ZNF385D: variants seen among roughly 807,000 people sequenced by gnomAD.
ZNF385D encodes zinc finger protein 385D.
In ZNF385D, 15 loss-of-function variants were observed where a neutral mutation model predicts 35.8. That is an observed-to-expected ratio of 0.42 (90% CI 0.28 to 0.64). The LOEUF (loss-of-function observed/expected upper bound fraction) is 0.64, where lower values mean the gene tolerates loss of function less well. Among genes scored for constraint, ZNF385D ranks in the 30% least tolerant of loss-of-function variants. The pLI is 0.23. For missense variants in ZNF385D, 474 were observed against 494.6 expected, an observed-to-expected ratio of 0.96 and a Z score of 0.39; for synonymous variants, 212 against 186.8, an observed-to-expected ratio of 1.13 and a Z score of -1.10.
chr3:21,949,387 C>A (rs1034281690), intron 3 of ZNF385D, among the ~76,000 whole-genome samples: 23 of 151,982 alleles, frequency 1.5e-4, no homozygotes, highest in African/African-American at 4.6e-4. Flanking sequence ...CTTTTCCATC[C>A]CATCGGTTGG....
chr3:21,722,672 T>C (rs914251688), intron 1 of ZNF385D, among the ~76,000 whole-genome samples: 2 of 152,244 alleles, frequency 1.3e-5, no homozygotes, highest in South Asian at 2.1e-4. Context: ...CTCTGAATTC[T>C]TCCCCCAATA....
intron 3 of ZNF385D, among the ~76,000 whole-genome samples, chr3:22,016,245 C>A: frequency 6.6e-6 from 1 of 152,174 alleles, no homozygotes; most frequent in East Asian, 1.9e-4. Context: ...ATGCCACTAG[C>A]ATTTGGTGGG....
At chr3:22,279,104 T>C (rs9824526) in intron 2 of ZNF385D, among the ~76,000 whole-genome samples, 12,070 of 152,098 alleles carry the variant, frequency 0.079, 1,265 homozygotes, top group African/African-American at 0.24. Flanking sequence ...CTCAATTGTG[T>C]TCCTTTTTTG....
In ZNF385D at chr3:21,472,328, G is replaced by A. The variant is rs182920991; in HGVS notation, c.440-35125C>T. On this transcript the variant is annotated intron_variant, in intron 4 of 7. Coordinates refer to ENST00000281523, the MANE Select transcript of ZNF385D (RefSeq NM_024697.3). Reference sequence around the variant, plus strand: ...AGAGAAAAAGCCAGACAAGAAGTGCGCCTAATGGCCATGCTAAAGGACATA... The same window carrying A: ...AGAGAAAAAGCCAGACAAGAAGTGCACCTAATGGCCATGCTAAAGGACATA... 2.2e-3 allele frequency among the ~76,000 whole-genome samples: 342 copies of A among 152,182 alleles called. 4 individuals carry two copies. Among genetic ancestry groups the A allele is most frequent in the African/African-American group, 7.6e-3 (317 of 41,548 alleles).
intron 4 of ZNF385D, among the ~76,000 whole-genome samples, chr3:21,441,400 C>G (rs796137797): frequency 3.9e-5 from 6 of 152,252 alleles, no homozygotes; most frequent in African/African-American, 1.4e-4. Context: ...GCCAGAGCTG[C>G]CAACAGGTAA....
At chr3:21,501,761 A>C (rs962099664) in intron 4 of ZNF385D, among the ~76,000 whole-genome samples, 9 of 152,238 alleles carry the variant, frequency 5.9e-5, no homozygotes, top group African/African-American at 2.2e-4. Flanking sequence ...CCTAAGAATC[A>C]CATAAAAATG....
chr3:22,192,782 G>A (rs763616496), intron 2 of ZNF385D, among the ~76,000 whole-genome samples: 29 of 152,126 alleles, frequency 1.9e-4, no homozygotes, highest in Non-Finnish European at 3.5e-4. Flanking sequence ...TAAGAAGATG[G>A]GGGTGGAATT....
chr3:22,038,435 G>A (rs1698467341), intron 3 of ZNF385D, among the ~76,000 whole-genome samples: 9 of 152,116 alleles, frequency 5.9e-5, no homozygotes, highest in Admixed American at 5.9e-4. Context: ...CTGTTTCACA[G>A]AGTTGGGGAA....
intron 2 of ZNF385D, among the ~76,000 whole-genome samples, chr3:22,177,869 T>G (rs1400568999): frequency 6.6e-6 from 1 of 152,172 alleles, no homozygotes; most frequent in Non-Finnish European, 1.5e-5. Flanking sequence ...TTGCTGAGAA[T>G]GATGGTTTCC....
At chr3:21,702,286 G>C (rs2067718502) in intron 1 of ZNF385D, among the ~76,000 whole-genome samples, 1 of 152,188 alleles carries the variant, frequency 6.6e-6, no homozygotes, top group Admixed American at 6.5e-5. Flanking sequence ...AAGCCCCTAA[G>C]GCTTGGGGCT....
chr3:21,424,576 G>T (rs1408536512), intron 6 of ZNF385D, among the ~76,000 whole-genome samples: 1 of 150,206 alleles, frequency 6.7e-6, no homozygotes, highest in Non-Finnish European at 1.5e-5. Context: ...GCCTCCCAAA[G>T]TGCTGAGATT....
At chr3:22,063,201 A>AATAATGGG (rs1280270877) in intron 3 of ZNF385D, among the ~76,000 whole-genome samples, 6 of 152,192 alleles carry the variant, frequency 3.9e-5, no homozygotes, top group Non-Finnish European at 4.4e-5. Context: ...TCTCTATCTG[A>AATAATGGG]ATAATGGGAA....
chr3:21,511,768 T>TAG (rs1559361833), intron 3 of ZNF385D: 1 of 456,390 alleles, frequency 2.2e-6, no homozygotes, highest in Non-Finnish European at 4.4e-6. Flanking sequence ...CTGAGATATA[T>TAG]AGAGAGAGAG....
In ZNF385D at chr3:22,182,069, G is replaced by A. The variant is rs188441452; in HGVS notation, c.107-13034C>T. The stretch of plus-strand genomic sequence containing the variant: ...CATCCCTGCCTATATCTTTATTGTA[G>A]CCTGGAAGAAGTCCTGGTTAGGCAA... On this transcript the variant is annotated intron_variant, in intron 2 of 5. Transcript: ENST00000494108. Among the ~76,000 whole-genome samples, 1,190 of 152,088 alleles carry A rather than the reference G, an allele frequency of 7.8e-3. 7 individuals are homozygous for A. The highest frequency in any genetic ancestry group is 0.013 in the Non-Finnish European group (877 of 68,008).
chr3:21,944,399 T>G (rs183205082), intron 3 of ZNF385D, among the ~76,000 whole-genome samples: 2 of 152,178 alleles, frequency 1.3e-5, no homozygotes, highest in Non-Finnish European at 2.9e-5. Context: ...CAAGCTTTCA[T>G]AGGGGATGAT....
At chr3:22,011,046 C>T (rs1313417426) in intron 3 of ZNF385D, among the ~76,000 whole-genome samples, 1 of 152,072 alleles carries the variant, frequency 6.6e-6, no homozygotes. Flanking sequence ...TCATTAAAGA[C>T]ATGATACATG....
chr3:21,821,325 T>C (rs768092013), intron 3 of ZNF385D, among the ~76,000 whole-genome samples: 16 of 152,180 alleles, frequency 1.1e-4, no homozygotes, highest in Non-Finnish European at 7.4e-5. Flanking sequence ...ATCTCAATAG[T>C]AGAAAATATG....
intron 3 of ZNF385D, among the ~76,000 whole-genome samples, chr3:21,761,363 T>A (rs1179773239): frequency 2.0e-5 from 3 of 152,216 alleles, no homozygotes; most frequent in Non-Finnish European, 4.4e-5. Context: ...TTTTTACACA[T>A]CAATAGATGG....
Position 21,583,806 on chromosome 3 carries a change from C to T in ZNF385D, c.166-19122G>A, listed in dbSNP as rs979762465. 2.9e-4 allele frequency among the ~76,000 whole-genome samples: 44 copies of T among 150,626 alleles called. 1 individual carries two copies. Among genetic ancestry groups the T allele is most frequent in the African/African-American group, 1.0e-3 (43 of 41,236 alleles). ...AATATTCTATTATGTTATAACTATA[C>T]ATAGTATGTTTCCACTTTTATGTTT... On this transcript the variant is annotated intron_variant, in intron 2 of 7. Transcript: ENST00000281523.
Sources: allele counts gnomAD v4.1 joint callset (sites outside exome capture counted in the v4.1 genomes callset), GRCh38; gene constraint gnomAD v4.1.1; transcripts MANE v1.5; gene names NCBI Gene and HGNC (gene_info 2026-07-23, HGNC 2026-07-21).